IQGAP1: variants seen among roughly 807,000 people sequenced by gnomAD.
IQGAP1 encodes ras GTPase-activating-like protein IQGAP1.
A neutral mutation model predicts 215.6 loss-of-function variants in IQGAP1; 66 were observed. That is an observed-to-expected ratio of 0.31 (90% CI 0.25 to 0.38). IQGAP1 has a LOEUF of 0.38. IQGAP1 is among the 10% of genes least tolerant of loss of function. The pLI is 1.00. For synonymous variants in IQGAP1, 772 were observed against 728.7 expected (o/e 1.06, Z -0.96); for missense variants, 1,712 against 1,997.1 (o/e 0.86, Z 2.72).
intron 3 of IQGAP1, 124 bp downstream of exon 3, chr15:90,426,390 T>C: frequency 1.0e-6 from 1 of 1,001,706 alleles, no homozygotes. Context: ...ATTATAGCCT[T>C]TAAAATGCCT....
intron 30 of IQGAP1, 73 bp from the exon 31 acceptor site, chr15:90,485,957 T>C (rs1260934416): frequency 5.4e-6 from 6 of 1,115,940 alleles, no homozygotes; most frequent in Non-Finnish European, 8.0e-6. Flanking sequence ...GTGCAGATCA[T>C]TGTTAGACAT....
chr15:90,390,233 G>C (rs1964616096), intron 1 of IQGAP1, among the ~76,000 whole-genome samples: 1 of 152,208 alleles, frequency 6.6e-6, no homozygotes, highest in South Asian at 2.1e-4. Flanking sequence ...TCAGGCTTTG[G>C]AGACAGACTC....
chr15:90,461,871 G>A (rs1268777224), intron 15 of IQGAP1, among the ~76,000 whole-genome samples: 2 of 151,880 alleles, frequency 1.3e-5, no homozygotes, highest in Non-Finnish European at 2.9e-5. Context: ...TGGGTGCGGT[G>A]GCTTACACCT....
Position 90,433,749 on chromosome 15 carries a change from G to T in IQGAP1, c.421G>T (p.Asp141Tyr). 1 of 1,607,768 alleles carries T rather than the reference G, an allele frequency of 6.2e-7. No homozygotes were observed. Among genetic ancestry groups the T allele is most frequent in the South Asian group, 1.1e-5 (1 of 90,310 alleles). Residue 141 changes from aspartate to tyrosine, a missense_variant, in exon 5 of 38, where the codon GAT (aspartate) becomes TAT (tyrosine). Asp to Tyr is a radical substitution (Grantham distance 160). Around this residue, in one of 2 missense-constraint regions of IQGAP1, gnomAD observed 1,021 missense variants for 1,074.2 expected, o/e 0.95. Transcript: ENST00000268182. ...IFYPETTDIY[D>Y]RKNMPRCIYC... ...TTACCCAGAAACTACAGATATCTAT[G>T]ATCGAAAGAACATGCCAAGATGTAT...
chr15:90,435,192 G>T (rs1596264787), intron 5 of IQGAP1, among the ~76,000 whole-genome samples: 1 of 152,120 alleles, frequency 6.6e-6, no homozygotes, highest in South Asian at 2.1e-4. Context: ...TGTGTCTGAG[G>T]CTGGGTAGGT....
chr15:90,426,774 G>A (rs1965228734), intron 3 of IQGAP1, among the ~76,000 whole-genome samples: 1 of 151,864 alleles, frequency 6.6e-6, no homozygotes, highest in Non-Finnish European at 1.5e-5. Context: ...CCAACATGGT[G>A]AAACCCCGTC....
chr15:90,427,243 T>C (rs1049651267), intron 3 of IQGAP1, among the ~76,000 whole-genome samples: 4 of 151,840 alleles, frequency 2.6e-5, no homozygotes, highest in African/African-American at 9.7e-5. Context: ...ACCTGTCTCT[T>C]AAAAAAAGAA....
intron 2 of IQGAP1, among the ~76,000 whole-genome samples, chr15:90,417,377 T>G (rs1291698855): frequency 6.6e-6 from 1 of 152,170 alleles, no homozygotes; most frequent in African/African-American, 2.4e-5. Context: ...CTCGAATTAA[T>G]TTTTGTATAA....
rs113353887 is a variant in IQGAP1, at chr15:90,434,165, G to A, written c.467+370G>A. Among the ~76,000 whole-genome samples, 6 of 152,204 alleles carry A rather than the reference G, an allele frequency of 3.9e-5. No individual in the cohort carries two copies. In the South Asian group the frequency reaches 1.0e-3, roughly 26 times the overall value. On this transcript the variant is annotated intron_variant, in intron 5 of 37. Transcript: ENST00000268182. ...TCAATAATTTTTATAAGCCGGATGC[G>A]GTGGCTCACGCCTGTAATCCCAGCA... is the stretch of plus-strand genomic sequence containing the variant.
intron 37 of IQGAP1, among the ~76,000 whole-genome samples, chr15:90,499,362 T>A (rs978419363): frequency 1.3e-5 from 2 of 152,168 alleles, no homozygotes; most frequent in Non-Finnish European, 2.9e-5. Context: ...CTCATAAAAA[T>A]TTTTGTGAGG....
At chr15:90,430,553 C>G (rs972459667) in intron 4 of IQGAP1, among the ~76,000 whole-genome samples, 17 of 151,914 alleles carry the variant, frequency 1.1e-4, no homozygotes, top group African/African-American at 4.1e-4. Flanking sequence ...AGTAAAGGGC[C>G]TTTGATGTAT....
At chr15:90,421,977 A>G (rs1238092522) in intron 2 of IQGAP1, among the ~76,000 whole-genome samples, 1 of 152,180 alleles carries the variant, frequency 6.6e-6, no homozygotes, top group Non-Finnish European at 1.5e-5. Context: ...TTTAAGTTTT[A>G]TAAGAAAGGT....
At chr15:90,498,218 C>T (rs1364602095) in intron 37 of IQGAP1, among the ~76,000 whole-genome samples, 1 of 152,102 alleles carries the variant, frequency 6.6e-6, no homozygotes, top group Non-Finnish European at 1.5e-5. Flanking sequence ...CCGCTAAAGC[C>T]ATAAACTCCT....
chr15:90,477,538 CATTCT>C (rs1356660168), intron 25 of IQGAP1, 122 bp from the exon 26 acceptor site: 55 of 726,336 alleles, frequency 7.6e-5, no homozygotes, highest in Non-Finnish European at 6.9e-6. Context: ...GCTGCAGGAA[CATTCT>C]GTGAGTGCTG....
At chr15:90,484,119 C>A in intron 29 of IQGAP1, 101 bp from the exon 30 acceptor site, 1 of 1,005,066 alleles carries the variant, frequency 9.9e-7, no homozygotes, top group Non-Finnish European at 1.5e-6. Context: ...TGTTGACTGG[C>A]TTCTGTTTGC....
At chr15:90,439,306 A>G (rs758753079) in intron 5 of IQGAP1, 26 bp from the exon 6 acceptor site, 11 of 1,604,380 alleles carry the variant, frequency 6.9e-6, no homozygotes, top group Non-Finnish European at 6.8e-6. Context: ...TGGGAGGCCT[A>G]ACCTTTTGCA....
At chr15:90,397,470 A>C (rs1471613199) in intron 2 of IQGAP1, among the ~76,000 whole-genome samples, 1 of 150,498 alleles carries the variant, frequency 6.6e-6, no homozygotes, top group African/African-American at 2.5e-5. Flanking sequence ...TGTGATGGTT[A>C]ATTGCTTGGC....
chr15:90,398,040 T>C (rs528709785), intron 2 of IQGAP1, among the ~76,000 whole-genome samples: 1 of 151,828 alleles, frequency 6.6e-6, no homozygotes, highest in East Asian at 1.9e-4. Context: ...CCTACCACCA[T>C]ACCCAGCTAA....
Position 90,502,089 on chromosome 15 carries a change from C to CCT in IQGAP1, c.*1989_*1990dup, listed in dbSNP as rs947120574. On this transcript the variant is annotated 3_prime_UTR_variant, in exon 38 of 38. Transcript: ENST00000268182. ...TTATTAGCTGTAGCATTCTCTGTCTCCTCTCTCTCCTCCTTTGACCTTCTC... is the reference window on the plus strand; with the variant it reads ...TTATTAGCTGTAGCATTCTCTGTCTCCTCTCTCTCTCCTCCTTTGACCTTCTC... 1 of 152,668 alleles carries CCT rather than the reference C, an allele frequency of 6.6e-6. No individual in the cohort carries two copies. The highest frequency in any genetic ancestry group is 2.4e-5 in the African/African-American group (1 of 41,460). The allele number at this position is 152,668 out of a possible 1,614,324, so 9.5% of individuals were successfully genotyped here. A position where few individuals can be genotyped will look rare whatever the true frequency, so the allele number is the denominator to read the frequency against.
Sources: gnomAD v4.1 joint callset for allele counts (sites outside exome capture counted in the v4.1 genomes callset) on GRCh38, gnomAD v4.1.1 for gene constraint, gnomAD v4.1.1 regional missense constraint, MANE v1.5 for transcripts, NCBI Gene and HGNC (gene_info 2026-07-23, HGNC 2026-07-21) for gene names.